The following PCDH15 variants were observed in gnomAD, a reference collection of about 807,000 sequenced individuals.
The protein encoded by PCDH15 is protocadherin related 15.
In PCDH15, 129 loss-of-function variants were observed where a neutral mutation model predicts 178.5. The ratio of observed to expected loss-of-function variants is 0.72; its 90% confidence interval spans 0.63 to 0.84. The LOEUF (loss-of-function observed/expected upper bound fraction) is 0.84, where lower values mean the gene tolerates loss of function less well. PCDH15 is among the 40% of genes least tolerant of loss of function. The pLI, the probability that PCDH15 is intolerant of heterozygous loss-of-function variation, is 0.00. For synonymous variants in PCDH15, 800 were observed against 732.0 expected, an observed-to-expected ratio of 1.09 and a Z score of -1.50; for missense variants, 2,230 against 2,099.9, an observed-to-expected ratio of 1.06 and a Z score of -1.21.
chr10:54,463,728 AC>A (rs1196503600), intron 3 of PCDH15, among the ~76,000 whole-genome samples: 1 of 152,120 alleles, frequency 6.6e-6, no homozygotes, highest in Non-Finnish European at 1.5e-5. Flanking sequence ...GCCTCCCATG[AC>A]ACCTACCCCA....
intron 1 of PCDH15, among the ~76,000 whole-genome samples, chr10:55,205,509 A>C (rs2132163714): frequency 6.6e-6 from 1 of 152,142 alleles, no homozygotes; most frequent in African/African-American, 2.4e-5. Context: ...ATATTAGTTA[A>C]TAGTCTGTTG....
At chr10:54,830,636 A>G (rs1953207587) in intron 3 of PCDH15, among the ~76,000 whole-genome samples, 1 of 152,062 alleles carries the variant, frequency 6.6e-6, no homozygotes, top group Non-Finnish European at 1.5e-5. Flanking sequence ...CTAATGCTAA[A>G]TGACGAGTTA....
At chr10:54,753,894 G>GTTTTTTT (rs755751275) in intron 1 of PCDH15, among the ~76,000 whole-genome samples, 3 of 85,510 alleles carry the variant, frequency 3.5e-5, no homozygotes, top group Admixed American at 2.4e-4. Flanking sequence ...GTTTGTTTGT[G>GTTTTTTT]TTTTTTTTTT....
rs537491732 is a variant in PCDH15 at position 54,378,203 on chromosome 10, G to A, written c.318+579C>T. Reference sequence around the variant, plus strand: ...GCCTCCCAAAGTGCTGGGATTACAGGTATGAGCTACTGCTGTGCCAAGCCC... The same window carrying A: ...GCCTCCCAAAGTGCTGGGATTACAGATATGAGCTACTGCTGTGCCAAGCCC... On this transcript the variant is annotated intron_variant, in intron 4 of 37. Coordinates refer to ENST00000644397, the MANE Select transcript of PCDH15 (RefSeq NM_001384140.1). Among the ~76,000 whole-genome samples, 3 of 152,096 alleles carry A rather than the reference G, an allele frequency of 2.0e-5. No homozygotes were observed. The East Asian group carries it at 5.8e-4, about 29-fold the overall frequency.
At position 54,290,397 on chromosome 10, in the gene PCDH15, A is replaced by G. The variant is rs377325011; in HGVS notation, c.876+26874T>C. Among the ~76,000 whole-genome samples the G allele has an allele frequency of 2.5e-3, 383 of 152,328 alleles. 1 individual carries two copies. Among genetic ancestry groups the G allele is most frequent in the African/African-American group, 6.9e-3 (286 of 41,578 alleles). On this transcript the variant is annotated intron_variant, in intron 8 of 37. Transcript: ENST00000644397. ...CCTTACAAGAGCTTCTGAAGGAAGC[A>G]GTAAAGATGGAAAGAAACAACCAAT...
intron 20 of PCDH15, among the ~76,000 whole-genome samples, chr10:54,008,051 A>G (rs2092443726): frequency 6.6e-6 from 1 of 152,202 alleles, no homozygotes; most frequent in Non-Finnish European, 1.5e-5. Context: ...AGAATTTTAA[A>G]GTTATATTTG....
chr10:53,869,457 T>A (rs1206579485), intron 26 of PCDH15, among the ~76,000 whole-genome samples: 1 of 152,170 alleles, frequency 6.6e-6, no homozygotes, highest in Non-Finnish European at 1.5e-5. Context: ...TAATGTCAGA[T>A]CAGTCAGATT....
chr10:54,579,831 C>G (rs1469178598), intron 2 of PCDH15, among the ~76,000 whole-genome samples: 1 of 152,012 alleles, frequency 6.6e-6, no homozygotes, highest in Admixed American at 6.6e-5. Flanking sequence ...AGAACATCTC[C>G]CAAAACCACA....
chr10:54,837,213 C>T (rs12220470), intron 3 of PCDH15, among the ~76,000 whole-genome samples: 17 of 152,074 alleles, frequency 1.1e-4, no homozygotes, highest in African/African-American at 3.9e-4. Flanking sequence ...ACAATGTCTA[C>T]GAATTTGTAG....
chr10:55,096,557 G>C (rs1267351960), intron 2 of PCDH15, among the ~76,000 whole-genome samples: 1 of 152,038 alleles, frequency 6.6e-6, no homozygotes, highest in African/African-American at 2.4e-5. Flanking sequence ...ATTAACTGCT[G>C]TCATCCTGCT....
chr10:55,040,661 T>G (rs1280202651), intron 2 of PCDH15, among the ~76,000 whole-genome samples: 1 of 152,162 alleles, frequency 6.6e-6, no homozygotes, highest in Non-Finnish European at 1.5e-5. Context: ...GACACTCACA[T>G]GCACACATAC....
At chr10:54,424,170 A>T (rs1955923939) in intron 3 of PCDH15, among the ~76,000 whole-genome samples, 1 of 151,952 alleles carries the variant, frequency 6.6e-6, no homozygotes, top group African/African-American at 2.4e-5. Context: ...TTTACAAGAA[A>T]AAAACAAACC....
chr10:53,855,928 G>GT (rs756900654), intron 28 of PCDH15, among the ~76,000 whole-genome samples: 30 of 98,046 alleles, frequency 3.1e-4, no homozygotes, highest in Middle Eastern at 9.3e-3. Context: ...ATATGTATGT[G>GT]TGTGTGTGTA....
chr10:55,525,419 GATAA>G (rs1438814192), intron 2 of PCDH15, among the ~76,000 whole-genome samples: 2 of 151,772 alleles, frequency 1.3e-5, no homozygotes, highest in East Asian at 1.9e-4. Context: ...TCACTAGATA[GATAA>G]ATAATCTGAG....
At chr10:55,014,165 TACTA>T (rs1204879419) in intron 2 of PCDH15, among the ~76,000 whole-genome samples, 1 of 152,098 alleles carries the variant, frequency 6.6e-6, no homozygotes, top group Non-Finnish European at 1.5e-5. Context: ...GACTGGATAA[TACTA>T]ACACTCTCAA....
intron 1 of PCDH15, among the ~76,000 whole-genome samples, chr10:55,196,767 A>G (rs1564883365): frequency 6.6e-6 from 1 of 152,036 alleles, no homozygotes; most frequent in Admixed American, 6.5e-5. Context: ...CATACGGACG[A>G]GTTTTGTCTT....
intron 2 of PCDH15, among the ~76,000 whole-genome samples, chr10:54,626,153 C>T (rs1304676635): frequency 2.6e-5 from 4 of 152,082 alleles, no homozygotes; most frequent in Admixed American, 6.6e-5. Flanking sequence ...GATTTGGGTG[C>T]TGTTAAAGGC....
intron 15 of PCDH15, among the ~76,000 whole-genome samples, chr10:54,106,796 A>T (rs1442741672): frequency 1.3e-5 from 2 of 152,232 alleles, no homozygotes; most frequent in Admixed American, 1.3e-4. Flanking sequence ...ATTCAGACAG[A>T]AGAAATTGAA....
At chr10:54,667,296 A>T (rs2094586949) in intron 1 of PCDH15, among the ~76,000 whole-genome samples, 1 of 152,038 alleles carries the variant, frequency 6.6e-6, no homozygotes, top group African/African-American at 2.4e-5. Context: ...CATCAACCCG[A>T]TACCCCAAAA....
Sources: gnomAD v4.1 joint callset for allele counts (sites outside exome capture counted in the v4.1 genomes callset) on GRCh38, gnomAD v4.1.1 for gene constraint, MANE v1.5 for transcripts, NCBI Gene and HGNC (gene_info 2026-07-23, HGNC 2026-07-21) for gene names.